The following FMN2 variants were observed in gnomAD, a reference collection of about 807,000 sequenced individuals.
FMN2 encodes formin-2.
Under a neutral mutation model 142.3 loss-of-function variants are expected in FMN2, and 51 were observed. The observed-to-expected ratio is 0.36, with a 90% CI of 0.29 to 0.45. The LOEUF is 0.45. Among genes scored for constraint, FMN2 ranks in the 20% least tolerant of loss-of-function variants. The pLI is 1.00. For missense variants in FMN2, 1,936 were observed against 2,122.8 expected (o/e 0.91, Z 1.73); for synonymous variants, 882 against 869.8 (o/e 1.01, Z -0.25).
intron 4 of FMN2, among the ~76,000 whole-genome samples, chr1:240,197,465 G>A (rs1276658899): frequency 6.6e-6 from 1 of 152,096 alleles, no homozygotes; most frequent in Non-Finnish European, 1.5e-5. Flanking sequence ...GTTCCTAGAG[G>A]CCTGGACCTG....
In FMN2 at chr1:240,371,464, G is replaced by A. The variant is rs957897168; in HGVS notation, c.4858+15556G>A. ...TCAATTACATTCTTTAGTGACTGAC[G>A]TGAATCTTCCAGTTTTTTTTGAAGA... On this transcript the variant is annotated intron_variant, in intron 14 of 17. Coordinates refer to ENST00000319653, the MANE Select transcript of FMN2 (RefSeq NM_020066.5). Among the ~76,000 whole-genome samples, 6 of 152,210 alleles carry A rather than the reference G, an allele frequency of 3.9e-5. No homozygotes were observed. In the East Asian group the frequency reaches 9.7e-4, roughly 25 times the overall value.
chr1:240,322,460 A>G (rs985101738), intron 8 of FMN2, among the ~76,000 whole-genome samples: 2 of 152,300 alleles, frequency 1.3e-5, no homozygotes, highest in Non-Finnish European at 2.9e-5. Context: ...GCGTGCCAAC[A>G]CTCAGGCTTT....
In FMN2 at chr1:240,364,894, C is replaced by T. The variant is rs563981393; in HGVS notation, c.4858+8986C>T. Among the ~76,000 whole-genome samples, 12 of 152,346 alleles carry T rather than the reference C, an allele frequency of 7.9e-5. No homozygotes were observed. The South Asian group carries it at 2.3e-3, about 29-fold the overall frequency. ...AGTTCTTCTGCTCCGCTTGTGTTCT[C>T]TAACACTGTAAGTAGTGCTACCACC... is the stretch of plus-strand genomic sequence containing the variant. On this transcript the variant is annotated intron_variant, in intron 14 of 17. Transcript: ENST00000319653.
intron 15 of FMN2, among the ~76,000 whole-genome samples, chr1:240,415,515 G>T (rs1674548090): frequency 8.0e-6 from 1 of 124,468 alleles, no homozygotes; most frequent in Non-Finnish European, 1.7e-5. Flanking sequence ...ATGTACCCCA[G>T]AACTTTAAGT....
intron 8 of FMN2, among the ~76,000 whole-genome samples, chr1:240,320,337 T>C (rs1272933772): frequency 6.6e-6 from 1 of 152,168 alleles, no homozygotes; most frequent in African/African-American, 2.4e-5. Context: ...AATTAATGTG[T>C]AAGTGTGTAG....
chr1:240,336,738 G>A (rs1222615601), intron 13 of FMN2, among the ~76,000 whole-genome samples: 2 of 152,094 alleles, frequency 1.3e-5, no homozygotes, highest in South Asian at 4.1e-4. Flanking sequence ...AACTTACAGG[G>A]AAGGTTGGAG....
intron 7 of FMN2, among the ~76,000 whole-genome samples, chr1:240,264,106 A>G (rs540180148): frequency 6.6e-6 from 1 of 152,196 alleles, no homozygotes; most frequent in Non-Finnish European, 1.5e-5. Context: ...TATTTAAATT[A>G]TATAGTTAAG....
At chr1:240,418,281 C>G (rs1003909583) in intron 15 of FMN2, among the ~76,000 whole-genome samples, 14 of 150,970 alleles carry the variant, frequency 9.3e-5, no homozygotes, top group African/African-American at 3.4e-4. Context: ...CTCACTGCAA[C>G]CTCCACCTCC....
chr1:240,278,703 C>T (rs1418052076), intron 7 of FMN2, among the ~76,000 whole-genome samples: 1 of 152,166 alleles, frequency 6.6e-6, no homozygotes, highest in Non-Finnish European at 1.5e-5. Context: ...ATTTCCCTTA[C>T]ACAGATACAT....
intron 2 of FMN2, among the ~76,000 whole-genome samples, chr1:240,153,838 C>T (rs975031707): frequency 6.6e-5 from 10 of 151,988 alleles, no homozygotes; most frequent in South Asian, 2.1e-4. Context: ...GAACACCAGC[C>T]GGGCGCTGTG....
chr1:240,332,864 G>A (rs1255103616), intron 11 of FMN2, among the ~76,000 whole-genome samples: 3 of 152,038 alleles, frequency 2.0e-5, no homozygotes, highest in African/African-American at 4.8e-5. Flanking sequence ...AATTGATTCA[G>A]GTGCTGCCAA....
intron 2 of FMN2, among the ~76,000 whole-genome samples, chr1:240,142,500 T>TTTATTTATTTATTTATA (rs1553331235): frequency 1.3e-3 from 198 of 150,890 alleles, no homozygotes; most frequent in Non-Finnish European, 2.4e-3. Context: ...TTTATTTATA[T>TTTATTTATTTATTTATA]TTTTTGGGGG....
At chr1:240,337,208 T>TTTTC (rs1558440593) in intron 13 of FMN2, among the ~76,000 whole-genome samples, 8 of 97,194 alleles carry the variant, frequency 8.2e-5, no homozygotes, top group African/African-American at 4.7e-4. Context: ...CTTTTCTTTT[T>TTTTC]TTTTTTTTTT....
chr1:240,207,850 C>A lies in FMN2; in HGVS notation c.3038C>A (p.Pro1013His). 4.2e-6 allele frequency: 2 copies of A among 477,122 alleles called. No individual in the cohort carries two copies. The highest frequency in any genetic ancestry group is 7.2e-6 in the Non-Finnish European group (2 of 279,180). 29.6% of individuals were successfully genotyped at this position (477,122 alleles called of 1,614,324 possible). A position where few individuals can be genotyped will look rare whatever the true frequency, so the allele number is the denominator to read the frequency against. The change falls in exon 5 of 18, where the codon CCT (proline) becomes CAT (histidine). Residue 1013 changes from proline to histidine, a missense_variant. Coordinates refer to ENST00000319653, the MANE Select transcript of FMN2 (RefSeq NM_020066.5). ...LPGAGIPPPPPLPGAGIPPPP... is the reference protein window; with the variant it reads ...LPGAGIPPPPHLPGAGIPPPP... ...GGAGCGGGCATACCCCCTCCTCCCC[C>A]TCTTCCCGGAGCGGGCATACCTCCT...
chr1:240,258,962 G>A (rs1040862122), intron 7 of FMN2, among the ~76,000 whole-genome samples: 1 of 152,156 alleles, frequency 6.6e-6, no homozygotes, highest in Non-Finnish European at 1.5e-5. Context: ...TTATGAATGT[G>A]GATTCTATTT....
intron 14 of FMN2, among the ~76,000 whole-genome samples, chr1:240,379,550 T>G (rs79665145): frequency 0.027 from 4,050 of 152,272 alleles, 184 homozygotes; most frequent in African/African-American, 0.091. Flanking sequence ...GTTGGCTTAT[T>G]TGGGGTCTCC....
chr1:240,197,111 C>T (rs549098614), intron 4 of FMN2, among the ~76,000 whole-genome samples: 22 of 152,182 alleles, frequency 1.4e-4, no homozygotes, highest in African/African-American at 4.8e-4. Context: ...TTCTGCCCCA[C>T]CCCCCAGCCT....
chr1:240,123,985 G>A (rs543244472), intron 2 of FMN2, among the ~76,000 whole-genome samples: 2 of 152,276 alleles, frequency 1.3e-5, no homozygotes, highest in African/African-American at 4.8e-5. Context: ...CATCCATGTT[G>A]GAGCATGTGT....
chr1:240,328,038 C>T (rs1426996808), intron 8 of FMN2, among the ~76,000 whole-genome samples: 1 of 149,288 alleles, frequency 6.7e-6, no homozygotes, highest in Non-Finnish European at 1.5e-5. Flanking sequence ...ATCCCAGCTA[C>T]TTAGGAGGCT....
Sources: allele counts gnomAD v4.1 joint callset (sites outside exome capture counted in the v4.1 genomes callset), GRCh38; gene constraint gnomAD v4.1.1; transcripts MANE v1.5; gene names NCBI Gene and HGNC (gene_info 2026-07-23, HGNC 2026-07-21).